Variants in SPAG16 observed in about 807,000 individuals in gnomAD.
SPAG16 encodes the protein sperm associated antigen 16.
In SPAG16, 86 loss-of-function variants were observed where a neutral mutation model predicts 80.4. The observed-to-expected ratio is 1.07, with a 90% CI of 0.90 to 1.28. The LOEUF is 1.28. Ranked by LOEUF, SPAG16 falls within the 50% of genes most tolerant of loss-of-function variation. SPAG16 has a pLI of 0.00. For synonymous variants in SPAG16, 294 were observed against 265.9 expected (o/e 1.11, Z -1.03); for missense variants, 870 against 765.3 (o/e 1.14, Z -1.61).
At chr2:213,655,072 C>T (rs2063171826) in intron 10 of SPAG16, among the ~76,000 whole-genome samples, 1 of 152,114 alleles carries the variant, frequency 6.6e-6, no homozygotes, top group Non-Finnish European at 1.5e-5. Context: ...TAAATTTGTC[C>T]AAACCCATAG....
intron 10 of SPAG16, among the ~76,000 whole-genome samples, chr2:213,830,878 T>C (rs147783030): frequency 1.3e-5 from 2 of 152,244 alleles, no homozygotes; most frequent in East Asian, 3.9e-4. Context: ...GACATTTGTA[T>C]TATAAGTGCT....
chr2:213,620,236 G>A (rs2061725204), intron 10 of SPAG16, among the ~76,000 whole-genome samples: 2 of 142,562 alleles, frequency 1.4e-5, no homozygotes, highest in African/African-American at 2.7e-5. Flanking sequence ...AAGTTCTAGT[G>A]TTCACAGCAT....
chr2:213,932,680 G>T (rs1470001912), intron 12 of SPAG16, among the ~76,000 whole-genome samples: 1 of 152,058 alleles, frequency 6.6e-6, no homozygotes, highest in Non-Finnish European at 1.5e-5. Context: ...AGCTGTTTCT[G>T]AATTGGGCAA....
intron 10 of SPAG16, among the ~76,000 whole-genome samples, chr2:213,524,560 G>A (rs1246889431): frequency 2.6e-5 from 4 of 152,214 alleles, no homozygotes; most frequent in Non-Finnish European, 5.9e-5. Flanking sequence ...CACAGGGGTG[G>A]AGCTGCCCAA....
intron 7 of SPAG16, among the ~76,000 whole-genome samples, chr2:213,355,946 C>G (rs185536960): frequency 1.9e-4 from 29 of 152,252 alleles, no homozygotes; most frequent in African/African-American, 6.5e-4. Flanking sequence ...TTGTCTTGTG[C>G]CAGTTTTCAA....
At chr2:213,509,373 G>T (rs534573068) in intron 10 of SPAG16, among the ~76,000 whole-genome samples, 12 of 152,270 alleles carry the variant, frequency 7.9e-5, no homozygotes, top group African/African-American at 4.8e-5. Context: ...GATTCACTAT[G>T]TCTTATTAAA....
At chr2:214,174,134 G>C (rs2056985596) in intron 15 of SPAG16, among the ~76,000 whole-genome samples, 1 of 151,972 alleles carries the variant, frequency 6.6e-6, no homozygotes. Flanking sequence ...TACTGAATGG[G>C]CAAAAACTGG....
intron 13 of SPAG16, among the ~76,000 whole-genome samples, chr2:214,041,970 C>G (rs866744901): frequency 2.9e-3 from 270 of 92,686 alleles, no homozygotes; most frequent in Middle Eastern, 6.6e-3. Context: ...ATTTGTGTGT[C>G]TGTGTGTGTA....
intron 10 of SPAG16, among the ~76,000 whole-genome samples, chr2:213,781,039 T>G (rs969935444): frequency 1.3e-5 from 2 of 152,152 alleles, no homozygotes; most frequent in Non-Finnish European, 2.9e-5. Flanking sequence ...TAATATAGGC[T>G]TTTACAAAAT....
chr2:214,063,537 G>A (rs1405911861), intron 13 of SPAG16, among the ~76,000 whole-genome samples: 2 of 152,030 alleles, frequency 1.3e-5, no homozygotes, highest in Non-Finnish European at 2.9e-5. Flanking sequence ...TTTTTATCAG[G>A]TCACTAATTC....
chr2:213,832,692 C>G (rs185452881), intron 10 of SPAG16, among the ~76,000 whole-genome samples: 1 of 152,240 alleles, frequency 6.6e-6, no homozygotes, highest in African/African-American at 2.4e-5. Context: ...AGTCTATTAC[C>G]AAGAGATCAA....
chr2:213,802,346 A>G (rs1444322933), intron 10 of SPAG16, among the ~76,000 whole-genome samples: 1 of 152,146 alleles, frequency 6.6e-6, no homozygotes, highest in African/African-American at 2.4e-5. Context: ...TCTGATTAAC[A>G]GAATATCTGA....
At chr2:214,009,102 C>G (rs1398334264) in intron 12 of SPAG16, among the ~76,000 whole-genome samples, 1 of 152,118 alleles carries the variant, frequency 6.6e-6, no homozygotes, top group Non-Finnish European at 1.5e-5. Flanking sequence ...AACCATAGAG[C>G]AGGAAATCTC....
intron 11 of SPAG16, among the ~76,000 whole-genome samples, chr2:213,896,592 G>GCACACA (rs372673398): frequency 0.018 from 2,066 of 111,908 alleles, 72 homozygotes; most frequent in African/African-American, 0.063. Flanking sequence ...ACACACACAC[G>GCACACA]CACACACACA....
chr2:213,620,434 A>G (rs2125050300), intron 10 of SPAG16, among the ~76,000 whole-genome samples: 1 of 151,886 alleles, frequency 6.6e-6, no homozygotes, highest in East Asian at 1.9e-4. Flanking sequence ...CTGGGACTAC[A>G]GGCACCCGCC....
At position 213,987,361 on chromosome 2, in the gene SPAG16, TC is replaced by T. The variant is rs796846961; in HGVS notation, c.1401-26589del. Among the ~76,000 whole-genome samples, 12 of 152,206 alleles carry T rather than the reference TC, an allele frequency of 7.9e-5. 1 individual carries two copies. The highest frequency in any genetic ancestry group is 2.9e-4 in the African/African-American group (12 of 41,562). Reference sequence around the variant, plus strand: ...TCACTAACCTGCAGGATATAGACAGTCTGAATTTTGGATCTAGCAATCGTGT... The same window carrying T: ...TCACTAACCTGCAGGATATAGACAGTTGAATTTTGGATCTAGCAATCGTGT... On this transcript the variant is annotated intron_variant, in intron 12 of 15. Coordinates refer to ENST00000331683, the MANE Select transcript of SPAG16 (RefSeq NM_024532.5).
chr2:213,929,838 G>A (rs2106244397), intron 11 of SPAG16, 122 bp from the exon 12 acceptor site: 2 of 779,992 alleles, frequency 2.6e-6, no homozygotes, highest in South Asian at 4.1e-5. Context: ...ATTTAGATAT[G>A]CCACTACAAG....
At chr2:214,276,229 G>A (rs1000647720) in intron 15 of SPAG16, among the ~76,000 whole-genome samples, 14 of 152,132 alleles carry the variant, frequency 9.2e-5, no homozygotes, top group Non-Finnish European at 2.9e-5. Flanking sequence ...GCACCCTGAT[G>A]GGTCTTGGCT....
intron 15 of SPAG16, among the ~76,000 whole-genome samples, chr2:214,160,325 G>A (rs1219569089): frequency 6.6e-6 from 1 of 151,586 alleles, no homozygotes; most frequent in East Asian, 1.9e-4. Flanking sequence ...CATAATATTT[G>A]ATTTTTTTCT....
Sources: allele counts gnomAD v4.1 joint callset (sites outside exome capture counted in the v4.1 genomes callset), GRCh38; gene constraint gnomAD v4.1.1; transcripts MANE v1.5; gene names NCBI Gene and HGNC (gene_info 2026-07-23, HGNC 2026-07-21).